ERC1: variants seen among roughly 807,000 people sequenced by gnomAD.
ERC1 encodes RAB6 interacting protein 2.
A neutral mutation model predicts 132.0 loss-of-function variants in ERC1; 56 were observed. The observed-to-expected ratio is 0.42, with a 90% confidence interval of 0.34 to 0.53. The LOEUF is 0.53. ERC1 is among the 20% of genes least tolerant of loss of function. ERC1 has a pLI of 0.03. For synonymous variants in ERC1, 478 were observed against 476.1 expected, an observed-to-expected ratio of 1.00 and a Z score of -0.05; for missense variants, 1,202 against 1,349.9, an observed-to-expected ratio of 0.89 and a Z score of 1.72.
At chr12:1,244,667 G>T (rs548804260) in intron 13 of ERC1, 1 of 401,272 alleles carries the variant, frequency 2.5e-6, no homozygotes, top group Admixed American at 2.7e-5. Flanking sequence ...GATTCCAGGC[G>T]TGTGCCACCA....
intron 15 of ERC1, among the ~76,000 whole-genome samples, chr12:1,338,655 A>G (rs1475051439): frequency 6.6e-6 from 1 of 151,490 alleles, no homozygotes; most frequent in Non-Finnish European, 1.5e-5. Flanking sequence ...GTTCTTTCTT[A>G]TCTTTCTGGG....
At chr12:1,166,635 T>C (rs187112520) in intron 8 of ERC1, among the ~76,000 whole-genome samples, 51 of 152,348 alleles carry the variant, frequency 3.3e-4, no homozygotes, top group African/African-American at 1.1e-3. Context: ...TCTGTATCTA[T>C]TGAGATGATC....
chr12:992,102 G>GT (rs1325841164), intron 1 of ERC1, among the ~76,000 whole-genome samples: 1 of 152,116 alleles, frequency 6.6e-6, no homozygotes, highest in Admixed American at 6.6e-5. Flanking sequence ...AGACAACTTC[G>GT]TTCCGGCAGC....
intron 15 of ERC1, among the ~76,000 whole-genome samples, chr12:1,362,454 C>CTCTCTCTCTCTCTCTG (rs1223509499): frequency 1.3e-5 from 2 of 152,052 alleles, no homozygotes. Flanking sequence ...CTCTGTCTCT[C>CTCTCTCTCTCTCTCTG]TCTCTCTCTC....
intron 16 of ERC1, among the ~76,000 whole-genome samples, chr12:1,384,659 A>T (rs1462150761): frequency 6.6e-6 from 1 of 152,238 alleles, no homozygotes; most frequent in Admixed American, 6.5e-5. Flanking sequence ...CATCTATCAT[A>T]CCTGAAGTTC....
At chr12:1,058,710 G>GT (rs1260224295) in intron 2 of ERC1, among the ~76,000 whole-genome samples, 1 of 141,590 alleles carries the variant, frequency 7.1e-6, no homozygotes, top group Non-Finnish European at 1.5e-5. Flanking sequence ...CTTGAGAATT[G>GT]TTTTTTTATT....
intron 7 of ERC1, among the ~76,000 whole-genome samples, chr12:1,128,748 C>T (rs73039095): frequency 0.047 from 7,184 of 151,256 alleles, 259 homozygotes; most frequent in Middle Eastern, 0.1. Context: ...ATTTAAAACG[C>T]GAGGAAAAAA....
intron 16 of ERC1, among the ~76,000 whole-genome samples, chr12:1,383,350 T>G (rs1412461392): frequency 6.6e-6 from 1 of 152,154 alleles, no homozygotes; most frequent in Admixed American, 6.5e-5. Context: ...AAGATTAGTT[T>G]GAGGGTCGTT....
intron 12 of ERC1, among the ~76,000 whole-genome samples, chr12:1,217,383 G>T (rs112407608): frequency 3.9e-5 from 6 of 152,268 alleles, no homozygotes; most frequent in African/African-American, 1.4e-4. Flanking sequence ...TTTGGGAAAT[G>T]GACAATGACT....
chr12:1,415,780 A>G (rs975102014), intron 17 of ERC1, among the ~76,000 whole-genome samples: 2 of 152,226 alleles, frequency 1.3e-5, no homozygotes, highest in Non-Finnish European at 2.9e-5. Flanking sequence ...TATTTTCAGA[A>G]GTGGATCAGA....
At chr12:1,214,128 G>A in intron 12 of ERC1, among the ~76,000 whole-genome samples, 1 of 152,130 alleles carries the variant, frequency 6.6e-6, no homozygotes, top group Admixed American at 6.5e-5. Flanking sequence ...TCTGCCTTCT[G>A]ATTTATGTAC....
At chr12:1,061,959 G>A (rs1938029853) in intron 2 of ERC1, among the ~76,000 whole-genome samples, 1 of 144,262 alleles carries the variant, frequency 6.9e-6, no homozygotes, top group Admixed American at 6.9e-5. Context: ...AGAGGTTTTG[G>A]TATGTTGTGT....
intron 2 of ERC1, among the ~76,000 whole-genome samples, chr12:1,060,175 C>CTTTTTTTTTTTTTTTTTTT (rs563850203): frequency 6.9e-6 from 1 of 144,188 alleles, no homozygotes. Context: ...AAGGCCACTT[C>CTTTTTTTTTTTTTTTTTTT]TTTTTTTTTT....
chr12:1,176,635 C>G (rs1953760501), intron 8 of ERC1, among the ~76,000 whole-genome samples: 2 of 151,250 alleles, frequency 1.3e-5, no homozygotes. Flanking sequence ...GGCTGGAGTG[C>G]AGTGACATGA....
intron 15 of ERC1, among the ~76,000 whole-genome samples, chr12:1,349,854 AGAGT>A (rs1368811302): frequency 6.6e-6 from 1 of 152,186 alleles, no homozygotes; most frequent in Non-Finnish European, 1.5e-5. Flanking sequence ...TTCCTAAACA[AGAGT>A]ATGGCACTCT....
chr12:1,474,304 A>G (rs1362335010), intron 18 of ERC1, among the ~76,000 whole-genome samples: 1 of 152,132 alleles, frequency 6.6e-6, no homozygotes, highest in African/African-American at 2.4e-5. Context: ...CCCTCCACCA[A>G]ACCATCTGCA....
At chr12:1,344,570 A>T (rs2084253585) in intron 15 of ERC1, among the ~76,000 whole-genome samples, 1 of 152,212 alleles carries the variant, frequency 6.6e-6, no homozygotes, top group African/African-American at 2.4e-5. Flanking sequence ...ATAAGTATTC[A>T]TTTAACTCTT....
At chr12:1,349,681 G>A (rs1019014781) in intron 15 of ERC1, among the ~76,000 whole-genome samples, 23 of 138,342 alleles carry the variant, frequency 1.7e-4, no homozygotes, top group South Asian at 1.1e-3. Flanking sequence ...AAAAAAAAAA[G>A]TTATTTTTGA....
At chr12:1,093,527 C>T (rs1447594044) in intron 3 of ERC1, among the ~76,000 whole-genome samples, 1 of 152,272 alleles carries the variant, frequency 6.6e-6, no homozygotes, top group East Asian at 1.9e-4. Flanking sequence ...GCATACCAAA[C>T]ATTGTCTATA....
Sources: allele counts gnomAD v4.1 joint callset (sites outside exome capture counted in the v4.1 genomes callset), GRCh38; gene constraint gnomAD v4.1.1; transcripts MANE v1.5; gene names NCBI Gene and HGNC (gene_info 2026-07-23, HGNC 2026-07-21).